The following BZW2 variants were observed in gnomAD, a reference collection of about 807,000 sequenced individuals.
BZW2 encodes the protein basic leucine zipper and W2 domains 2, also known as eIF5-mimic protein 1.
A neutral mutation model predicts 53.2 loss-of-function variants in BZW2; 23 were observed. The ratio of observed to expected loss-of-function variants is 0.43; its 90% CI spans 0.31 to 0.61. BZW2 has a LOEUF of 0.61. BZW2 is among the 20% of genes least tolerant of loss of function. The pLI, the probability that BZW2 is intolerant of heterozygous loss-of-function variation, is 0.09. For missense variants in BZW2, 409 were observed against 503.1 expected, an observed-to-expected ratio of 0.81 and a Z score of 1.79; for synonymous variants, 227 against 186.4, an observed-to-expected ratio of 1.22 and a Z score of -1.77.
chr7:16,698,011 C>T (rs200088139), intron 9 of BZW2, 37 bp from the exon 10 acceptor site: 297 of 1,612,420 alleles, frequency 1.8e-4, no homozygotes, highest in South Asian at 5.7e-4. Flanking sequence ...GTACCTCCCA[C>T]GCAAGTGACG....
intron 9 of BZW2, among the ~76,000 whole-genome samples, chr7:16,697,382 G>A (rs1049073456): frequency 3.3e-5 from 5 of 152,148 alleles, no homozygotes; most frequent in South Asian, 2.1e-4. Context: ...GAGCCACCAC[G>A]CCGGGCCCAA....
intron 2 of BZW2, among the ~76,000 whole-genome samples, chr7:16,672,033 G>T (rs1273603133): frequency 2.0e-5 from 3 of 151,296 alleles, no homozygotes; most frequent in Non-Finnish European, 4.4e-5. Flanking sequence ...TATTTCTGTT[G>T]AGCAATTTAG....
chr7:16,663,965 A>C (rs542672828), intron 1 of BZW2, among the ~76,000 whole-genome samples: 1 of 152,182 alleles, frequency 6.6e-6, no homozygotes, highest in Non-Finnish European at 1.5e-5. Context: ...ATTAAGGTAA[A>C]CCAAAAAGAT....
chr7:16,661,916 T>C (rs1040719486), intron 1 of BZW2, among the ~76,000 whole-genome samples: 8 of 152,136 alleles, frequency 5.3e-5, no homozygotes, highest in African/African-American at 1.7e-4. Context: ...ACTTTTATTT[T>C]TTTAAACTTA....
intron 10 of BZW2, among the ~76,000 whole-genome samples, chr7:16,703,286 A>C (rs1783729280): frequency 6.6e-6 from 1 of 152,230 alleles, no homozygotes; most frequent in African/African-American, 2.4e-5. Flanking sequence ...GTTTTTAGTG[A>C]TGATAATAAA....
intron 8 of BZW2, chr7:16,695,837 G>A (rs1214819036): frequency 6.6e-6 from 1 of 152,176 alleles, no homozygotes; most frequent in East Asian, 1.9e-4. Context: ...AGGTGGAGGT[G>A]TTGGAATGAC....
intron 3 of BZW2, among the ~76,000 whole-genome samples, chr7:16,677,899 C>T (rs1782815161): frequency 6.6e-6 from 1 of 152,040 alleles, no homozygotes; most frequent in Non-Finnish European, 1.5e-5. Flanking sequence ...CACTGCATGT[C>T]TATACATTCA....
intron 5 of BZW2, among the ~76,000 whole-genome samples, chr7:16,685,240 CT>C (rs1783077154): frequency 6.6e-6 from 1 of 152,126 alleles, no homozygotes; most frequent in African/African-American, 2.4e-5. Context: ...AGGGTTGCTA[CT>C]TTTTTAGTTC....
At chr7:16,673,755 G>C (rs2128358210) in intron 2 of BZW2, among the ~76,000 whole-genome samples, 1 of 152,046 alleles carries the variant, frequency 6.6e-6, no homozygotes, top group Non-Finnish European at 1.5e-5. Flanking sequence ...GGATACTTTG[G>C]AATCCTAATT....
chr7:16,698,031 C>T lies in BZW2; in HGVS notation c.970-17C>T, dbSNP rs112938667. 5.0e-6 allele frequency: 8 copies of T among 1,613,870 alleles called. No homozygotes were observed. The African/African-American group carries it at 5.3e-5, about 11-fold the overall frequency. On this transcript the variant is annotated splice_polypyrimidine_tract_variant and intron_variant, in intron 9 of 11. Transcript: ENST00000258761. ...TCCCACGCAAGTGACGGCTTTTACTCTCCACTTCTGTTCTAGCAATATGCT... is the reference window on the plus strand; with the variant it reads ...TCCCACGCAAGTGACGGCTTTTACTTTCCACTTCTGTTCTAGCAATATGCT...
At chr7:16,670,134 A>T (rs1384126671) in intron 2 of BZW2, among the ~76,000 whole-genome samples, 1 of 152,186 alleles carries the variant, frequency 6.6e-6, no homozygotes, top group East Asian at 1.9e-4. Flanking sequence ...AACAATTATT[A>T]GTCCTTTCGG....
intron 1 of BZW2, among the ~76,000 whole-genome samples, chr7:16,650,804 G>T (rs777832054): frequency 6.6e-6 from 1 of 152,192 alleles, no homozygotes; most frequent in Non-Finnish European, 1.5e-5. Flanking sequence ...GTTAGGTGCC[G>T]AGTGGAATGA....
intron 1 of BZW2, among the ~76,000 whole-genome samples, chr7:16,658,718 T>C (rs1782177526): frequency 6.6e-6 from 1 of 151,728 alleles, no homozygotes; most frequent in Admixed American, 6.6e-5. Flanking sequence ...GTACTAAAAA[T>C]ACAAAAATTA....
At chr7:16,669,862 C>A (rs1010524931) in intron 2 of BZW2, among the ~76,000 whole-genome samples, 1 of 152,210 alleles carries the variant, frequency 6.6e-6, no homozygotes, top group Non-Finnish European at 1.5e-5. Flanking sequence ...CACTTCAAGG[C>A]AGACTTGAAC....
At position 16,682,869 on chromosome 7, in the gene BZW2, A is replaced by G. The variant is rs144311925; in HGVS notation, c.405+24A>G. ...AGGTAAAAATTCAAATATAATGCCT[A>G]TCTGTTTTATAGTAATGACATGGGG... On this transcript the variant is annotated intron_variant, in intron 5 of 11. Coordinates refer to ENST00000258761, the MANE Select transcript of BZW2 (RefSeq NM_014038.3). 1,479 of 1,495,112 alleles carry G rather than the reference A, an allele frequency of 9.9e-4. 14 individuals carry two copies. The African/African-American group carries it at 0.018, about 18-fold the overall frequency. The allele number at this position is 1,495,112 out of a possible 1,614,324, so 92.6% of individuals were successfully genotyped here.
chr7:16,685,991 G>C lies in BZW2; in HGVS notation c.492G>C (p.Leu164=). The C allele has an allele frequency of 6.2e-7, 1 of 1,602,598 alleles. No homozygotes were observed. Among genetic ancestry groups the C allele is most frequent in the South Asian group, 1.1e-5 (1 of 88,804 alleles). The change falls in exon 6 of 12, where the codon CTG becomes CTC. Residue 164 remains leucine (L), a synonymous_variant. Transcript: ENST00000258761. The stretch of plus-strand genomic sequence containing the variant: ...GGATTCTGCTGGGCAATGGCACCCT[G>C]CCCGCCACCATCCTCACCAGTCTCT... ...LSGILLGNGT[L]PATILTSLFT...
rs1554263741 is a variant in BZW2 at position 16,646,201 on chromosome 7, C to CACTGCTGCTGCTGCTGCT, written c.-94_-77dup. The CACTGCTGCTGCTGCTGCT allele has an allele frequency of 5.9e-6, 2 of 340,650 alleles. No individual in the cohort carries two copies. The highest frequency in any genetic ancestry group is 1.2e-5 in the Non-Finnish European group (2 of 168,612). The allele number at this position is 340,650 out of a possible 1,614,324, so 21.1% of individuals were successfully genotyped here. On this transcript the variant is annotated 5_prime_UTR_variant, in exon 1 of 12. Transcript: ENST00000258761. The stretch of plus-strand genomic sequence containing the variant: ...CCTTCACTCCTCCATTGTCTGCCGC[C>CACTGCTGCTGCTGCTGCT]ACTGCTGCTGCTGCTGCTGCTGCCG...
chr7:16,680,467 T>C (rs1327402613), intron 3 of BZW2, among the ~76,000 whole-genome samples: 6 of 152,020 alleles, frequency 3.9e-5, no homozygotes, highest in Non-Finnish European at 7.4e-5. Flanking sequence ...TACACTATGG[T>C]GGGAGTATGA....
chr7:16,651,837 T>TA (rs1781990450), intron 1 of BZW2, among the ~76,000 whole-genome samples: 1 of 152,224 alleles, frequency 6.6e-6, no homozygotes, highest in African/African-American at 2.4e-5. Flanking sequence ...TAACATATGC[T>TA]AATTCAATTT....
Sources: allele counts gnomAD v4.1 joint callset (sites outside exome capture counted in the v4.1 genomes callset), GRCh38; gene constraint gnomAD v4.1.1; transcripts MANE v1.5; gene names NCBI Gene and HGNC (gene_info 2026-07-23, HGNC 2026-07-21).